Variants in NRG1 observed in about 807,000 individuals in gnomAD.
NRG1 encodes pro-neuregulin-1, membrane-bound isoform.
Under a neutral mutation model 63.8 loss-of-function variants are expected in NRG1, and 18 were observed. That is an observed-to-expected ratio of 0.28 (90% CI 0.19 to 0.42). The LOEUF (loss-of-function observed/expected upper bound fraction) is 0.42. Ranked by LOEUF, NRG1 falls within the 10% of genes least tolerant of loss-of-function variation. NRG1 has a pLI of 1.00. For missense variants in NRG1, 762 were observed against 814.7 expected (o/e 0.94, Z 0.79); for synonymous variants, 302 against 301.3 (o/e 1.00, Z -0.02).
At chr8:32,024,204 T>C (rs1816890183) in intron 1 of NRG1, among the ~76,000 whole-genome samples, 1 of 152,230 alleles carries the variant, frequency 6.6e-6, no homozygotes, top group Non-Finnish European at 1.5e-5. Context: ...ATACATGTCT[T>C]GAATCGGGAG....
At chr8:32,690,809 A>C (rs1439443463) in intron 5 of NRG1, among the ~76,000 whole-genome samples, 1 of 152,086 alleles carries the variant, frequency 6.6e-6, no homozygotes, top group African/African-American at 2.4e-5. Context: ...GGTGATCACA[A>C]AGGAAAGAAT....
At chr8:32,428,722 G>A (rs562686510) in intron 1 of NRG1, among the ~76,000 whole-genome samples, 79 of 152,170 alleles carry the variant, frequency 5.2e-4, no homozygotes, top group Non-Finnish European at 9.3e-4. Context: ...GATAATTCCC[G>A]GTTATTGCAT....
intron 1 of NRG1, among the ~76,000 whole-genome samples, chr8:32,394,857 G>A (rs752079696): frequency 4.6e-5 from 7 of 152,092 alleles, no homozygotes; most frequent in Non-Finnish European, 1.0e-4. Context: ...TAAGAAGATC[G>A]CTTTTTCAGC....
Position 32,707,487 on chromosome 8 carries a change from A to G in NRG1, c.503-20462A>G, listed in dbSNP as rs575501190. On this transcript the variant is annotated intron_variant, in intron 5 of 11. Transcript: ENST00000356819. Reference sequence around the variant, plus strand: ...TCAGTCAGAGATTGTTTCAAATTTAATATGAAATAAACTGTTACCTTTAAC... The same window carrying G: ...TCAGTCAGAGATTGTTTCAAATTTAGTATGAAATAAACTGTTACCTTTAAC... Among the ~76,000 whole-genome samples, 163 of 152,248 alleles carry G rather than the reference A, an allele frequency of 1.1e-3. 2 individuals are homozygous for G. Among genetic ancestry groups the G allele is most frequent in the African/African-American group, 3.7e-3 (152 of 41,590 alleles).
At chr8:31,673,910 T>C (rs1807414421) in intron 1 of NRG1, among the ~76,000 whole-genome samples, 1 of 152,120 alleles carries the variant, frequency 6.6e-6, no homozygotes, top group Non-Finnish European at 1.5e-5. Flanking sequence ...TAATCTAATT[T>C]TAGAACATTT....
chr8:31,708,581 G>A (rs1433798312), intron 1 of NRG1, among the ~76,000 whole-genome samples: 3 of 149,796 alleles, frequency 2.0e-5, no homozygotes, highest in East Asian at 3.9e-4. Context: ...AAGTAGCTGG[G>A]ACTACAGGCG....
intron 3 of NRG1, among the ~76,000 whole-genome samples, chr8:32,613,275 A>T (rs1359250187): frequency 1.7e-4 from 26 of 152,054 alleles, no homozygotes. Flanking sequence ...GCAGAAAGAC[A>T]CATTTGGTCT....
chr8:31,818,793 C>G (rs1586624888), intron 1 of NRG1, among the ~76,000 whole-genome samples: 1 of 152,216 alleles, frequency 6.6e-6, no homozygotes, highest in African/African-American at 2.4e-5. Context: ...CGCGGTGGCT[C>G]ACGCCTGTAA....
chr8:32,032,497 C>T (rs1186199174), intron 1 of NRG1, among the ~76,000 whole-genome samples: 1 of 152,150 alleles, frequency 6.6e-6, no homozygotes, highest in African/African-American at 2.4e-5. Flanking sequence ...AGCTCCTGAC[C>T]TCAGGTGATC....
chr8:32,408,824 G>A (rs771554612), intron 1 of NRG1, among the ~76,000 whole-genome samples: 3 of 152,088 alleles, frequency 2.0e-5, no homozygotes, highest in Non-Finnish European at 2.9e-5. Flanking sequence ...GTCTTTCAGT[G>A]TAACCATCAC....
intron 1 of NRG1, among the ~76,000 whole-genome samples, chr8:31,792,108 C>T (rs1820774800): frequency 6.6e-6 from 1 of 152,104 alleles, no homozygotes; most frequent in Non-Finnish European, 1.5e-5. Context: ...TGACCTTTTT[C>T]ATTTATTTGG....
intron 1 of NRG1, among the ~76,000 whole-genome samples, chr8:31,954,282 T>A (rs1305998835): frequency 1.3e-5 from 2 of 152,116 alleles, no homozygotes; most frequent in East Asian, 3.9e-4. Flanking sequence ...GAAAAGTGAC[T>A]TGTCTCAGGT....
rs189424027 is a variant in NRG1 at position 31,709,261 on chromosome 8, C to T, written c.37+69830C>T. ...CTATGGAAATTATCTTGTGCTGTATCTCTAGATATATTCATATAAATTATA... is the reference window on the plus strand; with the variant it reads ...CTATGGAAATTATCTTGTGCTGTATTTCTAGATATATTCATATAAATTATA... On this transcript the variant is annotated intron_variant, in intron 1 of 10. Transcript: ENST00000519301. Among the ~76,000 whole-genome samples the T allele has an allele frequency of 1.1e-3, 165 of 148,834 alleles. 1 individual carries two copies. The highest frequency in any genetic ancestry group is 6.9e-3 in the Middle Eastern group (2 of 290).
chr8:31,682,085 A>G (rs1010437373), intron 1 of NRG1, among the ~76,000 whole-genome samples: 1 of 152,170 alleles, frequency 6.6e-6, no homozygotes, highest in African/African-American at 2.4e-5. Flanking sequence ...ACTTCCCTAA[A>G]GAGCCTATGT....
intron 1 of NRG1, among the ~76,000 whole-genome samples, chr8:32,491,521 C>T (rs752356061): frequency 1.5e-4 from 23 of 152,250 alleles, no homozygotes; most frequent in African/African-American, 4.1e-4. Flanking sequence ...TCTGTGCAAA[C>T]GAAGTAGAAG....
At chr8:31,761,442 TAAAGTA>T (rs1371245349) in intron 1 of NRG1, among the ~76,000 whole-genome samples, 1 of 152,066 alleles carries the variant, frequency 6.6e-6, no homozygotes, top group African/African-American at 2.4e-5. Context: ...CCCTAAAACT[TAAAGTA>T]TAATAATAAA....
At chr8:32,310,916 T>C (rs924811291) in intron 1 of NRG1, among the ~76,000 whole-genome samples, 4 of 152,210 alleles carry the variant, frequency 2.6e-5, no homozygotes, top group African/African-American at 9.6e-5. Flanking sequence ...TCCCTCTACC[T>C]GGAACATCTT....
chr8:32,204,201 C>T (rs1178998681), intron 1 of NRG1, among the ~76,000 whole-genome samples: 1 of 152,312 alleles, frequency 6.6e-6, no homozygotes, highest in East Asian at 1.9e-4. Context: ...GAGGAAAGGG[C>T]AGTCCAGATT....
chr8:32,695,395 G>A (rs1049633158), intron 5 of NRG1, among the ~76,000 whole-genome samples: 2 of 151,214 alleles, frequency 1.3e-5, no homozygotes, highest in African/African-American at 2.4e-5. Context: ...GAGGAAGGAA[G>A]GAAGGAGAAA....
Sources: allele counts gnomAD v4.1 joint callset (sites outside exome capture counted in the v4.1 genomes callset), GRCh38; gene constraint gnomAD v4.1.1; transcripts MANE v1.5; gene names NCBI Gene and HGNC (gene_info 2026-07-23, HGNC 2026-07-21).